NUDT6: variants seen among roughly 807,000 people sequenced by gnomAD.
The protein encoded by NUDT6 is nudix hydrolase 6, also known as FAD diphosphatase NUDT6.
In NUDT6, 24 loss-of-function variants were observed where a neutral mutation model predicts 36.8. The observed-to-expected ratio is 0.65, with a 90% CI of 0.47 to 0.92. The LOEUF (loss-of-function observed/expected upper bound fraction) is 0.92, where lower values mean the gene tolerates loss of function less well. Among genes scored for constraint, NUDT6 ranks in the 40% least tolerant of loss-of-function variants. The pLI, the probability that NUDT6 is intolerant of heterozygous loss-of-function variation, is 0.00. For missense variants in NUDT6, 388 were observed against 392.8 expected (o/e 0.99, Z 0.10); for synonymous variants, 163 against 157.0 (o/e 1.04, Z -0.29).
At chr4:122,900,057 A>ACACCCCCCCCC (rs376050692) in intron 3 of NUDT6, among the ~76,000 whole-genome samples, 34 of 88,662 alleles carry the variant, frequency 3.8e-4, no homozygotes, top group Admixed American at 7.2e-4. Flanking sequence ...CACCCCCGCC[A>ACACCCCCCCCC]CCCCCCCCCC....
intron 3 of NUDT6, among the ~76,000 whole-genome samples, chr4:122,904,477 T>A (rs1727580642): frequency 6.6e-6 from 1 of 151,940 alleles, no homozygotes; most frequent in South Asian, 2.1e-4. Context: ...TTTTTTTTTT[T>A]AGACAGAGTC....
Position 122,893,266 on chromosome 4 carries a change from C to T in NUDT6, c.554-41G>A, listed in dbSNP as rs754704992. On this transcript the variant is annotated intron_variant, in intron 4 of 4. Transcript: ENST00000304430. ...GATGTACAAATCAATAATAATTACA[C>T]TTTTAGAAACTGTATCATCAAAGAT... 3.2e-5 allele frequency: 48 copies of T among 1,516,696 alleles called. 1 individual carries two copies. The highest frequency in any genetic ancestry group is 5.3e-5 in the South Asian group (4 of 75,050). 94.0% of individuals were successfully genotyped at this position (1,516,696 alleles called of 1,614,324 possible). A position where few individuals can be genotyped will look rare whatever the true frequency, so the allele number is the denominator to read the frequency against.
chr4:122,905,485 G>A (rs181282805), intron 3 of NUDT6, among the ~76,000 whole-genome samples: 1 of 152,298 alleles, frequency 6.6e-6, no homozygotes, highest in East Asian at 1.9e-4. Flanking sequence ...TCATTCATAT[G>A]TATGTCTGTG....
At chr4:122,916,967 C>T (rs985366908) in intron 2 of NUDT6, among the ~76,000 whole-genome samples, 3 of 152,138 alleles carry the variant, frequency 2.0e-5, no homozygotes, top group Non-Finnish European at 2.9e-5. Context: ...GGAAGATTCA[C>T]GGCCTGGTGG....
chr4:122,912,617 A>G lies in NUDT6; in HGVS notation c.449T>C (p.Val150Ala). The G allele has an allele frequency of 6.4e-7, 1 of 1,567,554 alleles. No homozygotes were observed. Among genetic ancestry groups the G allele is most frequent in the Non-Finnish European group, 8.8e-7 (1 of 1,138,460 alleles). Residue 150 changes from valine (V) to alanine (A), a missense_variant, in exon 3 of 5, where the codon GTA (valine) becomes GCA (alanine). Physicochemically the swap from Val to Ala is moderately conservative, Grantham distance 64 (BLOSUM62 0). Coordinates refer to ENST00000304430, the MANE Select transcript of NUDT6 (RefSeq NM_007083.5). Reference sequence around the variant, plus strand: ...TATTTTTCTAGTACTTTCATCAAATACAGCTCCTATTAGGGGAAAAAGAAA... The same window carrying G: ...TATTTTTCTAGTACTTTCATCAAATGCAGCTCCTATTAGGGGAAAAAGAAA... Reference protein sequence around the residue: ...ASHQVGVAGAVFDESTRKILV... With the variant: ...ASHQVGVAGAAFDESTRKILV...
intron 3 of NUDT6, among the ~76,000 whole-genome samples, chr4:122,905,581 G>C (rs752330034): frequency 6.6e-6 from 1 of 152,134 alleles, no homozygotes; most frequent in Non-Finnish European, 1.5e-5. Flanking sequence ...CATAAAAGTG[G>C]TCTTTTCCAC....
intron 4 of NUDT6, chr4:122,896,659 A>G (rs1477403056): frequency 6.6e-6 from 1 of 152,224 alleles, no homozygotes; most frequent in African/African-American, 2.4e-5. Context: ...CTAGAGATAT[A>G]TCTTAATGCA....
chr4:122,894,526 G>A (rs1204385825), intron 4 of NUDT6: 2 of 152,182 alleles, frequency 1.3e-5, no homozygotes, highest in Non-Finnish European at 2.9e-5. Flanking sequence ...GGTCAAGGTT[G>A]CAGTGAGCCA....
At chr4:122,904,926 C>T (rs898940628) in intron 3 of NUDT6, among the ~76,000 whole-genome samples, 5 of 152,150 alleles carry the variant, frequency 3.3e-5, no homozygotes, top group South Asian at 4.1e-4. Flanking sequence ...AATGAAGCCG[C>T]GGACCTTCGT....
intron 3 of NUDT6, among the ~76,000 whole-genome samples, chr4:122,910,654 C>T (rs1257899269): frequency 6.6e-6 from 1 of 152,164 alleles, no homozygotes; most frequent in Non-Finnish European, 1.5e-5. Context: ...ACCAAAGTGG[C>T]TTAGATCACA....
chr4:122,917,166 A>C (rs1277136103), intron 2 of NUDT6, among the ~76,000 whole-genome samples: 1 of 152,250 alleles, frequency 6.6e-6, no homozygotes, highest in East Asian at 1.9e-4. Flanking sequence ...CCACATTCAC[A>C]TAACTTTTAT....
chr4:122,908,916 T>C (rs1688812265), intron 3 of NUDT6, among the ~76,000 whole-genome samples: 1 of 152,198 alleles, frequency 6.6e-6, no homozygotes, highest in African/African-American at 2.4e-5. Context: ...CAAAAGGATT[T>C]TTAATAAAAA....
chr4:122,893,372 G>C, intron 4 of NUDT6, 147 bp from the exon 5 acceptor site: 1 of 685,524 alleles, frequency 1.5e-6, no homozygotes, highest in Non-Finnish European at 2.2e-6. Context: ...TCTTTGCCTT[G>C]TGGATATCAA....
In NUDT6 at chr4:122,922,393, C is replaced by G. The variant is rs762179847; in HGVS notation, c.180G>C (p.Leu60=). 2.5e-6 allele frequency: 4 copies of G among 1,609,216 alleles called. No homozygotes were observed. In the East Asian group the frequency reaches 8.9e-5, roughly 36 times the overall value. The change falls in exon 1 of 5, where the codon CTG becomes CTC. Residue 60 remains leucine, a synonymous_variant. Transcript: ENST00000304430. ...LDRFGGISVR[L]ARLDALDRLD... ...GGCGGTCCAGCGCATCGAGCCGCGC[C>G]AGGCGCACCGAGATGCCCCCGAATC...
At chr4:122,914,602 A>G (rs1727794122) in intron 2 of NUDT6, among the ~76,000 whole-genome samples, 2 of 152,146 alleles carry the variant, frequency 1.3e-5, no homozygotes, top group Admixed American at 6.5e-5. Context: ...TGTGAGTGAT[A>G]TGAGTGTCTG....
At chr4:122,910,783 CTT>C (rs776529093) in intron 3 of NUDT6, among the ~76,000 whole-genome samples, 43 of 152,124 alleles carry the variant, frequency 2.8e-4, no homozygotes, top group South Asian at 6.2e-4. Flanking sequence ...AATGGGGAAA[CTT>C]AGGTCCCCAG....
At chr4:122,901,609 A>AT (rs981866842) in intron 3 of NUDT6, among the ~76,000 whole-genome samples, 1 of 152,272 alleles carries the variant, frequency 6.6e-6, no homozygotes, top group Non-Finnish European at 1.5e-5. Flanking sequence ...TTTCTGATGC[A>AT]TTTTTTAGAG....
intron 4 of NUDT6, chr4:122,895,660 T>C (rs993793559): frequency 6.6e-6 from 1 of 152,204 alleles, no homozygotes; most frequent in African/African-American, 2.4e-5. Context: ...AGGGTATTAT[T>C]TTATACAAAA....
intron 4 of NUDT6, chr4:122,897,298 G>A (rs1052417278): frequency 2.0e-5 from 5 of 253,400 alleles, no homozygotes; most frequent in African/African-American, 1.1e-4. Context: ...AACAATATTA[G>A]TCGTATCCAA....
Sources: allele counts gnomAD v4.1 joint callset (sites outside exome capture counted in the v4.1 genomes callset), GRCh38; gene constraint gnomAD v4.1.1; transcripts MANE v1.5; gene names NCBI Gene and HGNC (gene_info 2026-07-23, HGNC 2026-07-21).